Variants in ARF5 observed in about 807,000 individuals in gnomAD.
ARF5 encodes the protein ADP-ribosylation factor 5.
A neutral mutation model predicts 24.8 loss-of-function variants in ARF5; 10 were observed. The observed-to-expected ratio is 0.40, with a 90% CI of 0.25 to 0.68. The LOEUF is 0.68. Among genes scored for constraint, ARF5 ranks in the 30% least tolerant of loss-of-function variants. The pLI is 0.36. For missense variants in ARF5, 135 were observed against 239.2 expected (o/e 0.56, Z 2.87); for synonymous variants, 102 against 95.1 (o/e 1.07, Z -0.42).
intron 1 of ARF5, 92 bp from the exon 2 acceptor site, chr7:127,588,991 G>C: frequency 2.1e-6 from 3 of 1,443,066 alleles, no homozygotes; most frequent in Non-Finnish European, 2.9e-6. Context: ...CTCCGCCCCA[G>C]TCACCATCAG....
At chr7:127,589,661 G>A in intron 3 of ARF5, 67 bp downstream of exon 3, 10 of 1,350,974 alleles carry the variant, frequency 7.4e-6, no homozygotes, top group Non-Finnish European at 1.0e-5. Flanking sequence ...GAACAGAATT[G>A]TTGGCCTAGG....
chr7:127,589,983 G>A, intron 3 of ARF5, 83 bp from the exon 4 acceptor site: 2 of 1,200,268 alleles, frequency 1.7e-6, no homozygotes, highest in South Asian at 1.2e-5. Context: ...AATTACAAAT[G>A]GGAAGAAAAC....
Position 127,591,330 on chromosome 7 carries a change from AGCTCCTGCGT to A in ARF5, c.*34_*43del. On this transcript the variant is annotated 3_prime_UTR_variant, in exon 6 of 6. Transcript: ENST00000000233. ...CAGGGGCAGGCCCCTGATGCCCGGA[AGCTCCTGCGT>A]GCATCCCCGGGATGACCAGACTCCC... 1 of 1,544,582 alleles carries A rather than the reference AGCTCCTGCGT, an allele frequency of 6.5e-7. No individual in the cohort carries two copies. Among genetic ancestry groups the A allele is most frequent in the Non-Finnish European group, 8.7e-7 (1 of 1,149,836 alleles).
intron 2 of ARF5, 89 bp from the exon 3 acceptor site, chr7:127,589,396 G>C (rs1794251775): frequency 1.6e-6 from 2 of 1,232,778 alleles, no homozygotes; most frequent in Non-Finnish European, 2.4e-6. Context: ...ATTGCCTTCT[G>C]GTTTTGTGTC....
chr7:127,588,431 C>T lies in ARF5; in HGVS notation c.-68C>T, dbSNP rs1183645715. 4 of 1,041,124 alleles carry T rather than the reference C, an allele frequency of 3.8e-6. No homozygotes were observed. The highest frequency in any genetic ancestry group is 1.7e-5 in the African/African-American group (1 of 59,730). 64.5% of individuals were successfully genotyped at this position (1,041,124 alleles called of 1,614,324 possible). A position where few individuals can be genotyped will look rare whatever the true frequency, so the allele number is the denominator to read the frequency against. On this transcript the variant is annotated 5_prime_UTR_variant, in exon 1 of 6. Transcript: ENST00000000233. ...TCCTCCTGCTGCTGCTGCGCCCCAT[C>T]CCCCCGCGGCCGGCCAGTTCCAGCC...
At chr7:127,588,682 A>C in intron 1 of ARF5, 117 bp downstream of exon 1, 7 of 997,010 alleles carry the variant, frequency 7.0e-6, no homozygotes, top group South Asian at 2.8e-5. Flanking sequence ...CACCCACCTC[A>C]TAACGCCCCG....
In ARF5 at chr7:127,590,958, C is replaced by T. The variant is rs781714849; in HGVS notation, c.331-5C>T. 2 of 1,612,150 alleles carry T rather than the reference C, an allele frequency of 1.2e-6. No individual in the cohort carries two copies. The highest frequency in any genetic ancestry group is 1.7e-6 in the Non-Finnish European group (2 of 1,178,826). On this transcript the variant is annotated splice_polypyrimidine_tract_variant and splice_region_variant and intron_variant, in intron 4 of 5. Transcript: ENST00000000233. Reference sequence around the variant, plus strand: ...TGGGTCCCACCTTCTCTTCTCCTCTCTCAGCTGCAGGAGGACGAGCTGCGG... The same window carrying T: ...TGGGTCCCACCTTCTCTTCTCCTCTTTCAGCTGCAGGAGGACGAGCTGCGG...
chr7:127,589,795 A>G (rs1794257622), intron 3 of ARF5: 5 of 610,140 alleles, frequency 8.2e-6, no homozygotes, highest in Non-Finnish European at 1.2e-5. Context: ...TAGAAGCAGG[A>G]TTCTGGGACC....
Position 127,591,497 on chromosome 7 carries a change from C to T in ARF5, c.*198C>T, listed in dbSNP as rs1378820677. 4 of 538,404 alleles carry T rather than the reference C, an allele frequency of 7.4e-6. No individual in the cohort carries two copies. Among genetic ancestry groups the T allele is most frequent in the Non-Finnish European group, 1.3e-5 (4 of 313,082 alleles). 33.4% of individuals were successfully genotyped at this position (538,404 alleles called of 1,614,324 possible). A position where few individuals can be genotyped will look rare whatever the true frequency, so the allele number is the denominator to read the frequency against. ...CTTGCTCTCTGGGCACAGAGGGGTC[C>T]ACTCTCCTGCCTGCTGGGACCTATG... On this transcript the variant is annotated 3_prime_UTR_variant, in exon 6 of 6. Coordinates refer to ENST00000000233, the MANE Select transcript of ARF5 (RefSeq NM_001662.4).
chr7:127,589,851 C>A, intron 3 of ARF5: 1 of 609,590 alleles, frequency 1.6e-6, no homozygotes. Context: ...TTTCCTTGCA[C>A]ATCTTTGGAT....
intron 1 of ARF5, chr7:127,588,859 C>A: frequency 1.7e-6 from 1 of 597,826 alleles, no homozygotes; most frequent in Non-Finnish European, 2.9e-6. Flanking sequence ...GGCCTACCTC[C>A]CGTGCCCCTT....
At chr7:127,591,152 A>C in intron 5 of ARF5, 61 bp from the exon 6 acceptor site, 1 of 1,609,942 alleles carries the variant, frequency 6.2e-7, no homozygotes. Context: ...GCTGGGACAG[A>C]GATATAAAGG....
intron 3 of ARF5, 38 bp downstream of exon 3, chr7:127,589,632 A>G (rs1224820125): frequency 6.6e-7 from 1 of 1,519,200 alleles, no homozygotes; most frequent in Non-Finnish European, 9.1e-7. Context: ...CCCCACGGGA[A>G]AAGGTGTTAG....
chr7:127,588,572 C>A lies in ARF5; in HGVS notation c.67+7C>A. On this transcript the variant is annotated splice_region_variant and intron_variant, in intron 1 of 5. Transcript: ENST00000000233. ...CAGATGCGGATTCTCATGGGTGAGG[C>A]AGATCGAGCGCGCGGCCCGGACCGG... is the stretch of plus-strand genomic sequence containing the variant. 1.4e-6 allele frequency: 2 copies of A among 1,418,422 alleles called. No individual in the cohort carries two copies. Among genetic ancestry groups the A allele is most frequent in the Non-Finnish European group, 1.9e-6 (2 of 1,071,516 alleles). 87.9% of individuals were successfully genotyped at this position (1,418,422 alleles called of 1,614,324 possible). A position where few individuals can be genotyped will look rare whatever the true frequency, so the allele number is the denominator to read the frequency against.
chr7:127,588,577 C>G lies in ARF5; in HGVS notation c.67+12C>G, dbSNP rs764474120. ...GCGGATTCTCATGGGTGAGGCAGAT[C>G]GAGCGCGCGGCCCGGACCGGGGCGC... On this transcript the variant is annotated intron_variant, in intron 1 of 5. Coordinates refer to ENST00000000233, the MANE Select transcript of ARF5 (RefSeq NM_001662.4). 7.1e-7 allele frequency: 1 copy of G among 1,403,708 alleles called. No individual in the cohort carries two copies. Among genetic ancestry groups the G allele is most frequent in the Non-Finnish European group, 9.4e-7 (1 of 1,064,164 alleles). 87.0% of individuals were successfully genotyped at this position (1,403,708 alleles called of 1,614,324 possible).
intron 1 of ARF5, chr7:127,588,790 C>T (rs1417882919): frequency 7.0e-6 from 4 of 575,096 alleles, no homozygotes; most frequent in Admixed American, 3.6e-5. Context: ...CCCTCCGCCC[C>T]AGCCCGGCTG....
intron 4 of ARF5, 94 bp downstream of exon 4, chr7:127,590,231 T>C (rs1794263778): frequency 2.0e-6 from 2 of 987,454 alleles, no homozygotes; most frequent in Non-Finnish European, 3.2e-6. Context: ...CAACAGGCAT[T>C]GAAGACCAGG....
chr7:127,590,285 CCT>C, intron 4 of ARF5, 148 bp downstream of exon 4: 1 of 651,726 alleles, frequency 1.5e-6, no homozygotes, highest in African/African-American at 1.8e-5. Flanking sequence ...TGTATCTCAC[CCT>C]GTTTTGGATG....
rs376366932 is a variant in ARF5, at chr7:127,591,055, C to T, written c.423C>T (p.Asp141=). Residue 141 remains aspartate, a synonymous_variant, in exon 5 of 6, where the codon GAC becomes GAT. Transcript: ENST00000000233. ...PNAMPVSELT[D]KLGLQHLRSR... Reference sequence around the variant, plus strand: ...CCATGCCCGTGAGCGAGCTGACTGACAAGCTGGGGCTACAGCACTTACGCA... The same window carrying T: ...CCATGCCCGTGAGCGAGCTGACTGATAAGCTGGGGCTACAGCACTTACGCA... The T allele has an allele frequency of 6.2e-7, 1 of 1,614,070 alleles. No individual in the cohort carries two copies. Among genetic ancestry groups the T allele is most frequent in the Non-Finnish European group, 8.5e-7 (1 of 1,179,996 alleles).
Sources: gnomAD v4.1 joint callset for allele counts on GRCh38, gnomAD v4.1.1 for gene constraint, MANE v1.5 for transcripts, NCBI Gene and HGNC (gene_info 2026-07-23, HGNC 2026-07-21) for gene names.